Variants in LNX2 observed in about 807,000 individuals in gnomAD.
LNX2 encodes the protein ligand of numb-protein X 2, also known as ligand of Numb protein X 2.
A neutral mutation model predicts 66.2 loss-of-function variants in LNX2; 35 were observed. That is an observed-to-expected ratio of 0.53 (90% confidence interval 0.40 to 0.70). The LOEUF is 0.70. Ranked by LOEUF, LNX2 falls within the 30% of genes least tolerant of loss-of-function variation. The pLI is 0.00. For missense variants in LNX2, 791 were observed against 850.8 expected, an observed-to-expected ratio of 0.93 and a Z score of 0.87; for synonymous variants, 337 against 315.6, an observed-to-expected ratio of 1.07 and a Z score of -0.72.
chr13:27,568,817 T>C (rs949090916), intron 3 of LNX2, among the ~76,000 whole-genome samples: 1 of 152,182 alleles, frequency 6.6e-6, no homozygotes, highest in Non-Finnish European at 1.5e-5. Flanking sequence ...GGGGGTAAGA[T>C]TTGTGATTTG....
At chr13:27,548,539 T>G in intron 9 of LNX2, 69 bp from the exon 10 acceptor site, 1 of 1,515,782 alleles carries the variant, frequency 6.6e-7, no homozygotes, top group Non-Finnish European at 9.0e-7. Context: ...AATTGAGATT[T>G]ATGTAGCATG....
intron 3 of LNX2, 137 bp from the exon 4 acceptor site, chr13:27,567,976 G>A: frequency 1.4e-6 from 1 of 714,156 alleles, no homozygotes; most frequent in Non-Finnish European, 2.4e-6. Context: ...CACTGGATAA[G>A]AAACAAAATG....
At chr13:27,548,533 G>A in intron 9 of LNX2, 63 bp from the exon 10 acceptor site, 1 of 1,536,532 alleles carries the variant, frequency 6.5e-7, no homozygotes, top group South Asian at 1.2e-5. Context: ...TATCCCAATT[G>A]AGATTTATGT....
chr13:27,546,063 TA>T lies in LNX2; in HGVS notation c.*2271del, dbSNP rs746784616. On this transcript the variant is annotated 3_prime_UTR_variant, in exon 10 of 10. Transcript: ENST00000316334. ...AAAAATGAGAAAATCCAAATAGTTCTATAGTAACAATAAATTATGAACAAGT... is the reference window on the plus strand; with the variant it reads ...AAAAATGAGAAAATCCAAATAGTTCTTAGTAACAATAAATTATGAACAAGT... 1.3e-5 allele frequency: 2 copies of T among 152,232 alleles called. No homozygotes were observed. Among genetic ancestry groups the T allele is most frequent in the African/African-American group, 2.4e-5 (1 of 41,464 alleles). The allele number at this position is 152,232 out of a possible 1,614,324, so 9.4% of individuals were successfully genotyped here.
At chr13:27,570,662 G>T (rs138291291) in intron 2 of LNX2, among the ~76,000 whole-genome samples, 1 of 152,032 alleles carries the variant, frequency 6.6e-6, no homozygotes, top group Non-Finnish European at 1.5e-5. Context: ...GGTTTAATTC[G>T]AAATATATTT....
chr13:27,585,492 T>C (rs1955474762), intron 1 of LNX2, among the ~76,000 whole-genome samples: 1 of 151,954 alleles, frequency 6.6e-6, no homozygotes, highest in Admixed American at 6.6e-5. Context: ...CAGCCTGTAA[T>C]CTAAACTCCT....
At chr13:27,583,174 G>GTGTGTA (rs1158602446) in intron 1 of LNX2, among the ~76,000 whole-genome samples, 53 of 1,076 alleles carry the variant, frequency 0.049, 3 homozygotes, top group Non-Finnish European at 0.075. Context: ...GCAGCAGTGT[G>GTGTGTA]TGTGTGTGTG....
chr13:27,587,944 C>T lies in LNX2; in HGVS notation c.-100-6141G>A, dbSNP rs1955507585. ...GCTGAGGCAGAAGAATGGCGTGAGC[C>T]CTGGAGGCAGAGCTTGCAGTAAGCC... On this transcript the variant is annotated intron_variant, in intron 1 of 9. Transcript: ENST00000316334. 2.7e-5 allele frequency among the ~76,000 whole-genome samples: 4 copies of T among 147,200 alleles called. No homozygotes were observed. The South Asian group carries it at 8.5e-4, about 31-fold the overall frequency.
chr13:27,557,840 A>G (rs1163415849), intron 6 of LNX2, among the ~76,000 whole-genome samples: 1 of 152,084 alleles, frequency 6.6e-6, no homozygotes, highest in African/African-American at 2.4e-5. Context: ...TCTCCTATCT[A>G]AAGGTATGAA....
intron 1 of LNX2, among the ~76,000 whole-genome samples, chr13:27,593,584 T>TTTTTA (rs1955566848): frequency 6.8e-6 from 1 of 148,110 alleles, no homozygotes; most frequent in African/African-American, 2.5e-5. Context: ...TTTTTTTTTT[T>TTTTTA]GAGATGAAGT....
At chr13:27,568,802 G>C (rs916210362) in intron 3 of LNX2, among the ~76,000 whole-genome samples, 5 of 152,208 alleles carry the variant, frequency 3.3e-5, no homozygotes, top group African/African-American at 1.2e-4. Context: ...AGGACCATCT[G>C]CCTCGGGGGT....
At chr13:27,548,998 G>A (rs1248080130) in intron 9 of LNX2, among the ~76,000 whole-genome samples, 1 of 152,008 alleles carries the variant, frequency 6.6e-6, no homozygotes, top group Non-Finnish European at 1.5e-5. Flanking sequence ...ATGGTTTTTG[G>A]TCTTCTATTT....
intron 4 of LNX2, among the ~76,000 whole-genome samples, chr13:27,565,107 A>G (rs1955188788): frequency 6.6e-6 from 1 of 152,202 alleles, no homozygotes; most frequent in Non-Finnish European, 1.5e-5. Flanking sequence ...AATGCAGTGG[A>G]ATTTCTACAA....
chr13:27,604,029 T>A (rs1267423188), intron 1 of LNX2, among the ~76,000 whole-genome samples: 1 of 148,920 alleles, frequency 6.7e-6, no homozygotes, highest in Non-Finnish European at 1.5e-5. Context: ...CTGAGGCCAG[T>A]GGATTACAAG....
At chr13:27,570,110 A>T (rs1337157188) in intron 2 of LNX2, among the ~76,000 whole-genome samples, 2 of 152,210 alleles carry the variant, frequency 1.3e-5, no homozygotes, top group Admixed American at 1.3e-4. Flanking sequence ...TTTCCATTGG[A>T]CACCTTGATT....
At chr13:27,597,117 C>A (rs1224245394) in intron 1 of LNX2, among the ~76,000 whole-genome samples, 2 of 152,104 alleles carry the variant, frequency 1.3e-5, no homozygotes, top group Non-Finnish European at 2.9e-5. Context: ...ACCTCTAAGG[C>A]CTATCCTTAT....
Position 27,550,337 on chromosome 13 carries a change from A to C in LNX2, c.1933T>G (p.Leu645Val), listed in dbSNP as rs1954991862. 1 of 1,612,360 alleles carries C rather than the reference A, an allele frequency of 6.2e-7. No homozygotes were observed. Among genetic ancestry groups the C allele is most frequent in the Non-Finnish European group, 8.5e-7 (1 of 1,179,312 alleles). ...ATTAATTAGAACAAGACTCACTTTA[A>C]TCTTCCATCATAATAAGCAGGAGTT... ...LGTPAYYDGR[L>V]KCGDMIVAVN... Residue 645 changes from leucine (L) to valine (V), a missense_variant, in exon 9 of 10, where the codon TTA becomes GTA. Physicochemically the swap from Leu to Val is conservative, Grantham distance 32. Transcript: ENST00000316334.
intron 1 of LNX2, among the ~76,000 whole-genome samples, chr13:27,590,247 T>C (rs1955532976): frequency 6.6e-6 from 1 of 152,024 alleles, no homozygotes; most frequent in South Asian, 2.1e-4. Flanking sequence ...ATTATTTATT[T>C]ATTTATTTTT....
At chr13:27,607,767 A>C (rs751452633) in intron 1 of LNX2, among the ~76,000 whole-genome samples, 23 of 152,224 alleles carry the variant, frequency 1.5e-4, no homozygotes, top group South Asian at 4.1e-4. Flanking sequence ...CTGACTGGGA[A>C]ACCTCCAGGA....
Sources: allele counts gnomAD v4.1 joint callset (sites outside exome capture counted in the v4.1 genomes callset), GRCh38; gene constraint gnomAD v4.1.1; transcripts MANE v1.5; gene names NCBI Gene and HGNC (gene_info 2026-07-23, HGNC 2026-07-21).